Variants in SHISA5 observed in about 807,000 individuals in gnomAD.
SHISA5 encodes the protein protein shisa-5.
In SHISA5, 21 loss-of-function variants were observed where a neutral mutation model predicts 27.5. The ratio of observed to expected loss-of-function variants is 0.76; its 90% CI spans 0.54 to 1.10. The LOEUF (loss-of-function observed/expected upper bound fraction) is 1.10. Ranked by LOEUF, SHISA5 falls within the 50% of genes least tolerant of loss-of-function variation. The probability of loss-of-function intolerance (pLI) is 0.00; values close to 1 mark genes in which losing one functional copy is unlikely to be tolerated. For missense variants in SHISA5, 314 were observed against 336.3 expected (o/e 0.93, Z 0.52); for synonymous variants, 137 against 142.2 (o/e 0.96, Z 0.26).
intron 2 of SHISA5, among the ~76,000 whole-genome samples, chr3:48,487,262 T>A (rs1419298557): frequency 6.6e-6 from 1 of 152,176 alleles, no homozygotes; most frequent in East Asian, 1.9e-4. Flanking sequence ...GTCTTCCAAT[T>A]CATGAGCCCT....
chr3:48,477,685 AG>A (rs2040870272), intron 3 of SHISA5, among the ~76,000 whole-genome samples: 1 of 152,178 alleles, frequency 6.6e-6, no homozygotes, highest in Non-Finnish European at 1.5e-5. Context: ...GCTCTTGCCC[AG>A]GGTGCCATGG....
At chr3:48,472,366 CGTGCCTGTG>C (rs1166094703) in intron 3 of SHISA5, among the ~76,000 whole-genome samples, 7 of 151,290 alleles carry the variant, frequency 4.6e-5, no homozygotes, top group African/African-American at 1.5e-4. Context: ...CGTGGTGGCA[CGTGCCTGTG>C]GTCCCAGCTA....
intron 2 of SHISA5, among the ~76,000 whole-genome samples, chr3:48,483,806 G>C (rs112532054): frequency 1.3e-5 from 2 of 149,152 alleles, no homozygotes; most frequent in African/African-American, 2.5e-5. Context: ...GCGGCTGGCC[G>C]GGCGGGGGGC....
Position 48,469,980 on chromosome 3 carries a change from C to T in SHISA5, c.315-137G>A, listed in dbSNP as rs755473032. On this transcript the variant is annotated intron_variant, in intron 3 of 5. Coordinates refer to ENST00000296444, the MANE Select transcript of SHISA5 (RefSeq NM_016479.6). The surrounding 1 kb of genome is among the most constrained non-coding windows in gnomAD (Gnocchi z 4.6). Reference sequence around the variant, plus strand: ...AGCTACTTCCTTGTCGGGTGGCCTGCACCTGTTTCAATCTGTTTCCTCTTG... The same window carrying T: ...AGCTACTTCCTTGTCGGGTGGCCTGTACCTGTTTCAATCTGTTTCCTCTTG... 9 of 1,147,138 alleles carry T rather than the reference C, an allele frequency of 7.8e-6. No individual in the cohort carries two copies. Among genetic ancestry groups the T allele is most frequent in the Non-Finnish European group, 7.4e-6 (6 of 814,512 alleles). The allele number at this position is 1,147,138 out of a possible 1,614,324, so 71.1% of individuals were successfully genotyped here.
At chr3:48,477,026 T>C in intron 3 of SHISA5, 1 of 442,496 alleles carries the variant, frequency 2.3e-6, no homozygotes, top group Admixed American at 2.6e-5. Context: ...AGGAAGCCAC[T>C]CCTCCTCCTA....
chr3:48,486,090 G>A (rs943808228), intron 2 of SHISA5, among the ~76,000 whole-genome samples: 1 of 145,956 alleles, frequency 6.9e-6, no homozygotes, highest in Non-Finnish European at 1.5e-5. Flanking sequence ...ATCCTCCCTG[G>A]AGAAAGTCCT....
At chr3:48,494,229 C>T (rs1239180587) in intron 2 of SHISA5, among the ~76,000 whole-genome samples, 11 of 146,188 alleles carry the variant, frequency 7.5e-5, no homozygotes, top group African/African-American at 3.0e-4. Context: ...CTGCGCCTAG[C>T]TTATTTCACT....
chr3:48,477,036 A>T (rs1560122279), intron 3 of SHISA5: 1 of 449,144 alleles, frequency 2.2e-6, no homozygotes, highest in Non-Finnish European at 4.4e-6. Flanking sequence ...TCCTCCTCCT[A>T]TGCCCCTCTG....
chr3:48,483,253 G>A (rs902525006), intron 2 of SHISA5, among the ~76,000 whole-genome samples: 1 of 152,122 alleles, frequency 6.6e-6, no homozygotes, highest in African/African-American at 2.4e-5. Flanking sequence ...CAGTGTTTGT[G>A]TCCCTGGGTA....
At chr3:48,484,568 G>A (rs2041136347) in intron 2 of SHISA5, among the ~76,000 whole-genome samples, 1 of 150,584 alleles carries the variant, frequency 6.6e-6, no homozygotes, top group African/African-American at 2.5e-5. Flanking sequence ...TCCAGCCTGG[G>A]CGACAGAGCG....
chr3:48,497,164 A>AGAGGTTGCAGT (rs1264823623), intron 2 of SHISA5, among the ~76,000 whole-genome samples: 1 of 151,500 alleles, frequency 6.6e-6, no homozygotes, highest in East Asian at 1.9e-4. Context: ...CCCAGGAGGC[A>AGAGGTTGCAGT]GAGGTTGCAG....
At chr3:48,477,986 G>A (rs2107314730) in intron 3 of SHISA5, among the ~76,000 whole-genome samples, 1 of 152,362 alleles carries the variant, frequency 6.6e-6, no homozygotes, top group East Asian at 1.9e-4. Context: ...AGCAGCCAGT[G>A]TGGTCTTCCT....
At chr3:48,478,095 C>A (rs2040881206) in intron 3 of SHISA5, among the ~76,000 whole-genome samples, 1 of 152,236 alleles carries the variant, frequency 6.6e-6, no homozygotes, top group African/African-American at 2.4e-5. Flanking sequence ...CCCACACAGG[C>A]TGGGCATAGG....
intron 2 of SHISA5, among the ~76,000 whole-genome samples, chr3:48,491,946 A>G (rs999179942): frequency 6.6e-6 from 1 of 151,914 alleles, no homozygotes; most frequent in African/African-American, 2.4e-5. Flanking sequence ...AGGTTTCACA[A>G]CTGGAGATAA....
chr3:48,503,852 G>A (rs2041823821), intron 1 of SHISA5, 167 bp downstream of exon 1: 2 of 1,308,422 alleles, frequency 1.5e-6, no homozygotes, highest in Admixed American at 7.9e-5. Context: ...GGGTGCTGGG[G>A]TGGAGGAGGG....
chr3:48,479,246 C>A lies in SHISA5; in HGVS notation c.245G>T (p.Ser82Ile), dbSNP rs373320698. The A allele has an allele frequency of 8.6e-4, 1,388 of 1,607,804 alleles. 22 individuals carry two copies. The South Asian group carries it at 0.013, about 15-fold the overall frequency. ...GCCCAGCTGCTCCACCGGCTCTACA[C>A]TGGCAGGCACGCTGCAAACAGGAAA... Reference protein sequence around the residue: ...CAVPEASVPASVEPVEQLGSA... With the variant: ...CAVPEASVPAIVEPVEQLGSA... The change falls in exon 3 of 6, where the codon AGT (serine) becomes ATT (isoleucine). Residue 82 changes from serine (S) to isoleucine (I), a missense_variant. Coordinates refer to ENST00000296444, the MANE Select transcript of SHISA5 (RefSeq NM_016479.6).
At chr3:48,472,987 C>T (rs1384000263) in intron 3 of SHISA5, 4 of 1,534,208 alleles carry the variant, frequency 2.6e-6, no homozygotes, top group Non-Finnish European at 3.5e-6. Context: ...CAAACACACA[C>T]GCAGCATGGC....
Position 48,468,481 on chromosome 3 carries a change from T to A in SHISA5, c.*626A>T. On this transcript the variant is annotated 3_prime_UTR_variant, in exon 6 of 6. Coordinates refer to ENST00000296444, the MANE Select transcript of SHISA5 (RefSeq NM_016479.6). ...GAGTAGGGCTCTGCCTGAGGTGTTC[T>A]GGCATCAGGAGGCTGCCTGATCCCC... 1.7e-6 allele frequency: 2 copies of A among 1,180,764 alleles called. No homozygotes were observed. Among genetic ancestry groups the A allele is most frequent in the South Asian group, 3.3e-5 (2 of 60,670 alleles). The allele number at this position is 1,180,764 out of a possible 1,614,324, so 73.1% of individuals were successfully genotyped here.
At position 48,497,095 on chromosome 3, in the gene SHISA5, G is replaced by A. The variant is rs781178543; in HGVS notation, c.233+4042C>T. 2.6e-4 allele frequency among the ~76,000 whole-genome samples: 40 copies of A among 151,150 alleles called. 1 individual carries two copies. The highest frequency in any genetic ancestry group is 8.4e-4 in the South Asian group (4 of 4,774). On this transcript the variant is annotated intron_variant, in intron 2 of 5. Coordinates refer to ENST00000296444, the MANE Select transcript of SHISA5 (RefSeq NM_016479.6). Reference sequence around the variant, plus strand: ...AAATACAAAAAACTTAGCTGGGTGTGGTGGCAGGCACCTGTAATTCCAGCT... The same window carrying A: ...AAATACAAAAAACTTAGCTGGGTGTAGTGGCAGGCACCTGTAATTCCAGCT...
Sources: allele counts gnomAD v4.1 joint callset (sites outside exome capture counted in the v4.1 genomes callset), GRCh38; gene constraint gnomAD v4.1.1; non-coding constraint Gnocchi (gnomAD v3.1); transcripts MANE v1.5; gene names NCBI Gene and HGNC (gene_info 2026-07-23, HGNC 2026-07-21).